The following FMN1 variants were observed in gnomAD, a reference collection of about 807,000 sequenced individuals.
FMN1 encodes formin 1.
A neutral mutation model predicts 132.4 loss-of-function variants in FMN1; 110 were observed. The observed-to-expected ratio is 0.83, with a 90% CI of 0.71 to 0.97. The LOEUF is 0.97. Among genes scored for constraint, FMN1 ranks in the 50% least tolerant of loss-of-function variants. The pLI is 0.00. For missense variants in FMN1, 1,792 were observed against 1,705.3 expected (o/e 1.05, Z -0.90); for synonymous variants, 722 against 651.7 (o/e 1.11, Z -1.64).
intron 7 of FMN1, among the ~76,000 whole-genome samples, chr15:32,994,420 G>C (rs1324736501): frequency 6.6e-6 from 1 of 152,152 alleles, no homozygotes; most frequent in Non-Finnish European, 1.5e-5. Context: ...CTCCAAACAA[G>C]CCAAGCTTCT....
intron 7 of FMN1, among the ~76,000 whole-genome samples, chr15:33,001,697 C>T (rs1396906854): frequency 6.4e-5 from 9 of 141,492 alleles, no homozygotes; most frequent in Non-Finnish European, 1.4e-4. Flanking sequence ...TCCCCTTCCG[C>T]CTCCCCCTTC....
intron 6 of FMN1, among the ~76,000 whole-genome samples, chr15:33,055,824 GAAAA>G (rs1357023354): frequency 1.3e-5 from 2 of 152,050 alleles, no homozygotes; most frequent in Non-Finnish European, 2.9e-5. Flanking sequence ...TTAAGAGAGA[GAAAA>G]AACACTTGCA....
Position 32,923,483 on chromosome 15 carries a change from AT to A in FMN1, c.3226+2690del, listed in dbSNP as rs1243852486. Among the ~76,000 whole-genome samples the A allele has an allele frequency of 2.0e-5, 3 of 152,318 alleles. No individual in the cohort carries two copies. In the East Asian group the frequency reaches 5.8e-4, roughly 29 times the overall value. On this transcript the variant is annotated intron_variant, in intron 10 of 20. Transcript: ENST00000616417. ...TAAACGAAGAAATGGAATGGAGATG[AT>A]TTTTTAGAACTTAGGAGCCAACTTT... is the stretch of plus-strand genomic sequence containing the variant.
At chr15:32,873,794 G>C (rs1382279632) in intron 16 of FMN1, among the ~76,000 whole-genome samples, 2 of 152,032 alleles carry the variant, frequency 1.3e-5, no homozygotes, top group Non-Finnish European at 2.9e-5. Flanking sequence ...AATAAGACTA[G>C]GTGATAAAAC....
chr15:32,992,598 G>C (rs1246042327), intron 7 of FMN1, among the ~76,000 whole-genome samples: 1 of 152,078 alleles, frequency 6.6e-6, no homozygotes, highest in African/African-American at 2.4e-5. Context: ...GAAAATGTTC[G>C]ATAAGACATA....
intron 9 of FMN1, among the ~76,000 whole-genome samples, chr15:32,955,810 C>T (rs77151092): frequency 4.7e-5 from 7 of 150,102 alleles, no homozygotes; most frequent in East Asian, 3.9e-4. Flanking sequence ...TGTGCGTGTG[C>T]GTGTGTGTGT....
At chr15:32,881,906 G>A (rs2141444444) in intron 16 of FMN1, among the ~76,000 whole-genome samples, 1 of 152,298 alleles carries the variant, frequency 6.6e-6, no homozygotes, top group South Asian at 2.1e-4. Flanking sequence ...AGGTTGCCCA[G>A]GGATGGCCCT....
chr15:33,086,765 T>C (rs757626104), intron 5 of FMN1, among the ~76,000 whole-genome samples: 1 of 152,230 alleles, frequency 6.6e-6, no homozygotes, highest in Admixed American at 6.5e-5. Flanking sequence ...CCAAAAACTT[T>C]ACTAATTCTC....
chr15:32,868,235 T>C (rs1451640885), intron 16 of FMN1, among the ~76,000 whole-genome samples: 1 of 152,226 alleles, frequency 6.6e-6, no homozygotes, highest in Non-Finnish European at 1.5e-5. Flanking sequence ...CTTTCCTTTG[T>C]TTAGATACAC....
intron 19 of FMN1, among the ~76,000 whole-genome samples, chr15:32,786,218 T>C (rs576150003): frequency 1.1e-4 from 17 of 152,332 alleles, no homozygotes; most frequent in African/African-American, 3.8e-4. Context: ...CAGAAATACA[T>C]GGACGAACAT....
At chr15:33,128,936 A>T (rs1400148674) in intron 4 of FMN1, among the ~76,000 whole-genome samples, 2 of 152,076 alleles carry the variant, frequency 1.3e-5, no homozygotes, top group Non-Finnish European at 2.9e-5. Context: ...TCCATTTTAC[A>T]GAGTGCTGAT....
chr15:33,001,709 C>CCCTCCT (rs141163075), intron 7 of FMN1, among the ~76,000 whole-genome samples: 2 of 137,642 alleles, frequency 1.5e-5, no homozygotes, highest in Admixed American at 7.6e-5. Context: ...TCCCCCTTCC[C>CCCTCCT]CCTCCTCCTC....
intron 17 of FMN1, among the ~76,000 whole-genome samples, chr15:32,832,271 T>C (rs1350819237): frequency 6.6e-6 from 1 of 152,224 alleles, no homozygotes; most frequent in Non-Finnish European, 1.5e-5. Context: ...AATGCTTTTG[T>C]TAATTCTGAA....
intron 6 of FMN1, among the ~76,000 whole-genome samples, chr15:33,029,574 C>T (rs1256558282): frequency 1.3e-5 from 2 of 151,988 alleles, no homozygotes; most frequent in Admixed American, 1.3e-4. Context: ...TTTTGTAGTC[C>T]AGACAAGGGT....
intron 16 of FMN1, among the ~76,000 whole-genome samples, chr15:32,867,546 C>G (rs1041222951): frequency 2.0e-5 from 3 of 151,708 alleles, no homozygotes; most frequent in African/African-American, 4.9e-5. Flanking sequence ...CTCTTTCACC[C>G]AGGCTGGAGT....
intron 16 of FMN1, among the ~76,000 whole-genome samples, chr15:32,878,720 T>C (rs2059694320): frequency 6.6e-6 from 1 of 152,172 alleles, no homozygotes; most frequent in South Asian, 2.1e-4. Flanking sequence ...GATGAAATGA[T>C]TTGCCAAGGG....
chr15:33,030,654 G>A (rs1339510152), intron 6 of FMN1, among the ~76,000 whole-genome samples: 2 of 152,098 alleles, frequency 1.3e-5, no homozygotes, highest in Non-Finnish European at 2.9e-5. Flanking sequence ...GAACACCACT[G>A]ATTCTAAGAT....
intron 15 of FMN1, among the ~76,000 whole-genome samples, chr15:32,897,049 T>C (rs754525180): frequency 1.7e-4 from 26 of 152,196 alleles, no homozygotes; most frequent in Non-Finnish European, 3.1e-4. Flanking sequence ...CTGGTTCCAT[T>C]TTTTCTACAT....
chr15:33,037,818 A>AT (rs2036256121), intron 6 of FMN1, among the ~76,000 whole-genome samples: 1 of 152,230 alleles, frequency 6.6e-6, no homozygotes, highest in South Asian at 2.1e-4. Flanking sequence ...ACTTACTAAG[A>AT]TTTTTCTGAA....
Sources: gnomAD v4.1 joint callset for allele counts (sites outside exome capture counted in the v4.1 genomes callset) on GRCh38, gnomAD v4.1.1 for gene constraint, MANE v1.5 for transcripts, NCBI Gene and HGNC (gene_info 2026-07-23, HGNC 2026-07-21) for gene names.